The following SEMA3E variants were observed in gnomAD, a reference collection of about 807,000 sequenced individuals.
SEMA3E encodes the protein semaphorin-3E.
A neutral mutation model predicts 93.6 loss-of-function variants in SEMA3E; 49 were observed. The observed-to-expected ratio is 0.52, with a 90% confidence interval of 0.42 to 0.66. The LOEUF (loss-of-function observed/expected upper bound fraction) is 0.66, where lower values mean the gene tolerates loss of function less well. SEMA3E is among the 30% of genes least tolerant of loss of function. The pLI is 0.00. For synonymous variants in SEMA3E, 363 were observed against 330.7 expected (o/e 1.10, Z -1.06); for missense variants, 906 against 964.8 (o/e 0.94, Z 0.81).
chr7:83,463,762 A>G (rs62460822), intron 4 of SEMA3E, among the ~76,000 whole-genome samples: 15,649 of 152,108 alleles, frequency 0.1, 980 homozygotes, highest in Non-Finnish European at 0.14. Context: ...GTGGAAATCT[A>G]TCCTCAAGGA....
Position 83,469,385 on chromosome 7 carries a change from T to C in SEMA3E, c.277-83A>G, listed in dbSNP as rs1789842974. The C allele has an allele frequency of 1.1e-5, 9 of 807,358 alleles. No individual in the cohort carries two copies. In the South Asian group the frequency reaches 1.3e-4, roughly 12 times the overall value. The allele number at this position is 807,358 out of a possible 1,614,324, so 50.0% of individuals were successfully genotyped here. On this transcript the variant is annotated intron_variant, in intron 2 of 16. Coordinates refer to ENST00000643230, the MANE Select transcript of SEMA3E (RefSeq NM_012431.3). ...AAAACCATTTCACTTTCTTCTACAG[T>C]TCAAAACATTTCCTTTTTTTTTTTT...
At chr7:83,443,815 T>G (rs1584252430) in intron 4 of SEMA3E, among the ~76,000 whole-genome samples, 1 of 152,104 alleles carries the variant, frequency 6.6e-6, no homozygotes, top group South Asian at 2.1e-4. Flanking sequence ...GAAGCATCTT[T>G]TATTGATTTA....
At chr7:83,456,802 T>C (rs527267411) in intron 4 of SEMA3E, among the ~76,000 whole-genome samples, 349 of 151,934 alleles carry the variant, frequency 2.3e-3, no homozygotes, top group African/African-American at 7.7e-3. Context: ...TTAGTAGAGA[T>C]AGGGTTTCAC....
At chr7:83,505,419 T>C (rs897806608) in intron 1 of SEMA3E, among the ~76,000 whole-genome samples, 6 of 152,074 alleles carry the variant, frequency 3.9e-5, no homozygotes, top group Non-Finnish European at 7.4e-5. Flanking sequence ...TAAAAGGTAA[T>C]TAAAAGAAAT....
intron 1 of SEMA3E, among the ~76,000 whole-genome samples, chr7:83,600,617 G>T (rs1792974325): frequency 6.7e-6 from 1 of 149,436 alleles, no homozygotes; most frequent in Admixed American, 6.8e-5. Flanking sequence ...AAAGTGCTGG[G>T]ATTACAGGTG....
At chr7:83,547,243 T>A (rs949555649) in intron 1 of SEMA3E, among the ~76,000 whole-genome samples, 1 of 152,160 alleles carries the variant, frequency 6.6e-6, no homozygotes, top group Non-Finnish European at 1.5e-5. Context: ...AAGTTATTAT[T>A]AATTAGCATT....
chr7:83,625,155 G>T (rs1204969548), intron 1 of SEMA3E, among the ~76,000 whole-genome samples: 1 of 152,124 alleles, frequency 6.6e-6, no homozygotes, highest in Non-Finnish European at 1.5e-5. Flanking sequence ...AAGTCAGGTA[G>T]CGTGATGCCT....
rs1481185682 is a variant in SEMA3E at position 83,573,781 on chromosome 7, A to T, written c.115+74647T>A. 2.0e-5 allele frequency among the ~76,000 whole-genome samples: 3 copies of T among 151,948 alleles called. No individual in the cohort carries two copies. The East Asian group carries it at 5.8e-4, about 29-fold the overall frequency. On this transcript the variant is annotated intron_variant, in intron 1 of 16. Transcript: ENST00000643230. ...ATGGTATTCTTTATAGTGATAATAA[A>T]AATAACTGCTTATTATATATCAGAT...
At chr7:83,625,654 G>A (rs539154513) in intron 1 of SEMA3E, among the ~76,000 whole-genome samples, 2 of 152,144 alleles carry the variant, frequency 1.3e-5, no homozygotes, top group African/African-American at 4.8e-5. Flanking sequence ...TCTGCAAGCA[G>A]AGACAATCTG....
At chr7:83,570,108 C>T (rs994709420) in intron 1 of SEMA3E, among the ~76,000 whole-genome samples, 3 of 152,156 alleles carry the variant, frequency 2.0e-5, no homozygotes, top group Non-Finnish European at 2.9e-5. Context: ...TAAAAATTTA[C>T]TCCTGAATAA....
chr7:83,441,196 T>C (rs1231533331), intron 4 of SEMA3E, among the ~76,000 whole-genome samples: 1 of 152,230 alleles, frequency 6.6e-6, no homozygotes, highest in Non-Finnish European at 1.5e-5. Flanking sequence ...AAAAGGATTC[T>C]GCTACTGATT....
At chr7:83,518,435 G>A (rs898011046) in intron 1 of SEMA3E, among the ~76,000 whole-genome samples, 2 of 152,198 alleles carry the variant, frequency 1.3e-5, no homozygotes, top group South Asian at 2.1e-4. Flanking sequence ...CCAGGAAAGA[G>A]GCTGATAGAT....
intron 12 of SEMA3E, 114 bp downstream of exon 12, chr7:83,396,524 T>C: frequency 1.5e-6 from 1 of 665,722 alleles, no homozygotes; most frequent in East Asian, 2.8e-5. Context: ...ATATTAGCTC[T>C]GAATCCACAA....
chr7:83,498,745 G>T (rs185783950), intron 1 of SEMA3E, among the ~76,000 whole-genome samples: 4 of 152,096 alleles, frequency 2.6e-5, no homozygotes, highest in African/African-American at 7.2e-5. Context: ...TCCCAAAGTC[G>T]TGGGATTACA....
chr7:83,427,060 ATT>A (rs1788786926), intron 4 of SEMA3E, among the ~76,000 whole-genome samples: 3 of 152,052 alleles, frequency 2.0e-5, no homozygotes, highest in Non-Finnish European at 4.4e-5. Flanking sequence ...AAAAATGTTT[ATT>A]TTATCCCCAA....
In SEMA3E at chr7:83,497,638, T is replaced by C. The variant is rs1271617713; in HGVS notation, c.116-7364A>G. The stretch of plus-strand genomic sequence containing the variant: ...TGATGATCACTAGTGGCTTATGATG[T>C]TGAAACAGATTCGTAAAGAAATAAG... On this transcript the variant is annotated intron_variant, in intron 1 of 16. Coordinates refer to ENST00000643230, the MANE Select transcript of SEMA3E (RefSeq NM_012431.3). Among the ~76,000 whole-genome samples, 7 of 152,372 alleles carry C rather than the reference T, an allele frequency of 4.6e-5. No individual in the cohort carries two copies. The East Asian group carries it at 1.3e-3, about 29-fold the overall frequency.
At chr7:83,628,463 T>C (rs1258544198) in intron 1 of SEMA3E, among the ~76,000 whole-genome samples, 1 of 152,042 alleles carries the variant, frequency 6.6e-6, no homozygotes, top group Non-Finnish European at 1.5e-5. Flanking sequence ...CAGTCCCATG[T>C]TTCTTGGAGG....
intron 1 of SEMA3E, among the ~76,000 whole-genome samples, chr7:83,559,096 A>C (rs1293915704): frequency 6.6e-6 from 1 of 152,108 alleles, no homozygotes. Context: ...TGACTGGATC[A>C]ATTTTGATGT....
intron 3 of SEMA3E, among the ~76,000 whole-genome samples, chr7:83,468,213 C>T (rs1789814132): frequency 6.6e-6 from 1 of 152,166 alleles, no homozygotes; most frequent in South Asian, 2.1e-4. Flanking sequence ...CACAGGTACA[C>T]TTATTTCTTC....
Sources: allele counts gnomAD v4.1 joint callset (sites outside exome capture counted in the v4.1 genomes callset), GRCh38; gene constraint gnomAD v4.1.1; transcripts MANE v1.5; gene names NCBI Gene and HGNC (gene_info 2026-07-23, HGNC 2026-07-21).